The following STXBP6 variants were observed in gnomAD, a reference collection of about 807,000 sequenced individuals.
STXBP6 encodes syntaxin binding protein 6.
Under a neutral mutation model 26.9 loss-of-function variants are expected in STXBP6, and 21 were observed. The ratio of observed to expected loss-of-function variants is 0.78; its 90% CI spans 0.55 to 1.12. The LOEUF (loss-of-function observed/expected upper bound fraction) is 1.12, where lower values mean the gene tolerates loss of function less well. STXBP6 is among the 50% of genes most tolerant of loss of function. The probability of loss-of-function intolerance (pLI) is 0.00; values close to 1 mark genes in which losing one functional copy is unlikely to be tolerated. For synonymous variants in STXBP6, 97 were observed against 92.6 expected, an observed-to-expected ratio of 1.05 and a Z score of -0.27; for missense variants, 232 against 257.9, an observed-to-expected ratio of 0.90 and a Z score of 0.69.
At chr14:24,962,262 T>G (rs1422684491) in intron 2 of STXBP6, among the ~76,000 whole-genome samples, 2 of 152,058 alleles carry the variant, frequency 1.3e-5, no homozygotes, top group African/African-American at 4.8e-5. Context: ...TTTAACTGGT[T>G]GTTAAGCGCA....
chr14:24,901,804 C>A (rs1487428632), intron 2 of STXBP6, among the ~76,000 whole-genome samples: 1 of 91,804 alleles, frequency 1.1e-5, no homozygotes, highest in Non-Finnish European at 2.5e-5. Context: ...ACTTCAAGAA[C>A]AGGCATAACT....
intron 1 of STXBP6, among the ~76,000 whole-genome samples, chr14:25,036,123 C>T (rs937747192): frequency 1.1e-4 from 16 of 147,374 alleles, no homozygotes; most frequent in Admixed American, 9.2e-4. Flanking sequence ...GAGGCTGAGA[C>T]GGGAGAACAC....
chr14:25,009,180 G>T (rs535889110), intron 1 of STXBP6, among the ~76,000 whole-genome samples: 57 of 152,270 alleles, frequency 3.7e-4, no homozygotes, highest in Non-Finnish European at 7.1e-4. Context: ...ATTATAAGAC[G>T]TCAAGTTAAG....
chr14:24,846,661 T>A (rs151206644), intron 4 of STXBP6, among the ~76,000 whole-genome samples: 2 of 152,306 alleles, frequency 1.3e-5, no homozygotes, highest in East Asian at 3.9e-4. Context: ...TTTTTATTGG[T>A]GAAATCTGGT....
At chr14:24,946,607 A>T (rs2073001585) in intron 2 of STXBP6, among the ~76,000 whole-genome samples, 1 of 152,196 alleles carries the variant, frequency 6.6e-6, no homozygotes, top group Non-Finnish European at 1.5e-5. Flanking sequence ...CAGGAGCAGG[A>T]ATCAAGTACG....
At chr14:25,032,303 C>T (rs1041322982) in intron 1 of STXBP6, among the ~76,000 whole-genome samples, 7 of 152,102 alleles carry the variant, frequency 4.6e-5, no homozygotes, top group African/African-American at 1.2e-4. Flanking sequence ...CGACATCGCT[C>T]GACACAGAGG....
chr14:24,909,333 A>G (rs1472686188), intron 2 of STXBP6, among the ~76,000 whole-genome samples: 1 of 152,232 alleles, frequency 6.6e-6, no homozygotes, highest in Non-Finnish European at 1.5e-5. Context: ...GCCAATCCAC[A>G]TGAGCCTCTG....
At chr14:25,019,042 C>T (rs1223105593) in intron 1 of STXBP6, among the ~76,000 whole-genome samples, 2 of 152,204 alleles carry the variant, frequency 1.3e-5, no homozygotes, top group Non-Finnish European at 2.9e-5. Context: ...ACACTTTTTA[C>T]TATGCCTAGT....
chr14:24,991,621 C>CA (rs1296834225), intron 1 of STXBP6, among the ~76,000 whole-genome samples: 23 of 152,304 alleles, frequency 1.5e-4, no homozygotes, highest in African/African-American at 5.1e-4. Flanking sequence ...CATATTAATG[C>CA]AAGATGACTT....
At chr14:24,823,063 A>T (rs1029915700) in intron 4 of STXBP6, among the ~76,000 whole-genome samples, 10 of 152,200 alleles carry the variant, frequency 6.6e-5, no homozygotes, top group Non-Finnish European at 1.3e-4. Context: ...GAAGCTGTCA[A>T]CCATGGTAAA....
chr14:24,968,817 ATC>A (rs2140165601), intron 2 of STXBP6, among the ~76,000 whole-genome samples: 1 of 152,358 alleles, frequency 6.6e-6, no homozygotes, highest in African/African-American at 2.4e-5. Context: ...AAAATTGAGT[ATC>A]AAAAATATAT....
chr14:24,880,642 G>A (rs1443194898), intron 2 of STXBP6, among the ~76,000 whole-genome samples: 1 of 152,094 alleles, frequency 6.6e-6, no homozygotes, highest in South Asian at 2.1e-4. Context: ...AGCCATGAGA[G>A]CAAAAATCTG....
At chr14:24,851,822 T>A (rs1275033713) in intron 4 of STXBP6, among the ~76,000 whole-genome samples, 1 of 152,080 alleles carries the variant, frequency 6.6e-6, no homozygotes, top group African/African-American at 2.4e-5. Context: ...TCTCTGTAGG[T>A]TGTTGCATAG....
Position 24,811,034 on chromosome 14 carries a change from A to C in STXBP6, c.*1675T>G, listed in dbSNP as rs1337982303. ...GCTTCTTTAAATTTTTAAGACACCA[A>C]AAAGAAAGTATAAAATATTATAGTT... On this transcript the variant is annotated 3_prime_UTR_variant, in exon 6 of 6. Coordinates refer to ENST00000323944, the MANE Select transcript of STXBP6 (RefSeq NM_001394410.1). 6.6e-6 allele frequency: 1 copy of C among 152,166 alleles called. No individual in the cohort carries two copies. The highest frequency in any genetic ancestry group is 1.5e-5 in the Non-Finnish European group (1 of 68,032). The allele number at this position is 152,166 out of a possible 1,614,324, so 9.4% of individuals were successfully genotyped here.
At chr14:24,975,938 A>C (rs985576281) in intron 1 of STXBP6, among the ~76,000 whole-genome samples, 2 of 152,224 alleles carry the variant, frequency 1.3e-5, no homozygotes, top group Non-Finnish European at 2.9e-5. Context: ...AATCAAAATT[A>C]AAGGCACAGA....
intron 2 of STXBP6, among the ~76,000 whole-genome samples, chr14:24,887,682 A>T (rs2070641137): frequency 6.6e-6 from 1 of 152,230 alleles, no homozygotes; most frequent in Non-Finnish European, 1.5e-5. Flanking sequence ...ATGCCCCAAA[A>T]GTACACTATT....
chr14:24,885,703 C>T (rs1200273746), intron 2 of STXBP6, among the ~76,000 whole-genome samples: 1 of 152,232 alleles, frequency 6.6e-6, no homozygotes, highest in Non-Finnish European at 1.5e-5. Flanking sequence ...CCTCCTCATG[C>T]ATTCAGTATT....
chr14:24,850,806 T>C (rs886256183), intron 4 of STXBP6, among the ~76,000 whole-genome samples: 7 of 152,142 alleles, frequency 4.6e-5, no homozygotes, highest in Middle Eastern at 3.4e-3. Flanking sequence ...ATACAACAGG[T>C]GAAATAGTTA....
At chr14:25,014,725 T>A (rs965306209) in intron 1 of STXBP6, among the ~76,000 whole-genome samples, 4 of 152,214 alleles carry the variant, frequency 2.6e-5, no homozygotes, top group Non-Finnish European at 5.9e-5. Flanking sequence ...TAGACATCTC[T>A]CCAACAAAGC....
Sources: allele counts gnomAD v4.1 joint callset (sites outside exome capture counted in the v4.1 genomes callset), GRCh38; gene constraint gnomAD v4.1.1; transcripts MANE v1.5; gene names NCBI Gene and HGNC (gene_info 2026-07-23, HGNC 2026-07-21).